GLIS1: variants seen among roughly 807,000 people sequenced by gnomAD.
The protein encoded by GLIS1 is GLIS family zinc finger 1.
GLIS1 carries 24 observed loss-of-function variants against 63.8 expected under a neutral mutation model. The ratio of observed to expected loss-of-function variants is 0.38; its 90% CI spans 0.27 to 0.53. The LOEUF is 0.53. GLIS1 is among the 20% of genes least tolerant of loss of function. The probability of loss-of-function intolerance (pLI) is 0.85; values close to 1 mark genes in which losing one functional copy is unlikely to be tolerated. For synonymous variants in GLIS1, 450 were observed against 482.5 expected (o/e 0.93, Z 0.88); for missense variants, 1,036 against 1,074.1 (o/e 0.96, Z 0.50).
intron 4 of GLIS1, among the ~76,000 whole-genome samples, chr1:53,534,411 C>T (rs574474682): frequency 1.3e-5 from 2 of 152,078 alleles, no homozygotes; most frequent in African/African-American, 4.8e-5. Flanking sequence ...CCTGGACAGA[C>T]ACCTGCTTCC....
At chr1:53,657,080 T>C (rs1645974123) in intron 2 of GLIS1, among the ~76,000 whole-genome samples, 1 of 152,206 alleles carries the variant, frequency 6.6e-6, no homozygotes, top group Non-Finnish European at 1.5e-5. Context: ...TGGCTGAAGC[T>C]GGGTCCCTGT....
rs1052569328 is a variant in GLIS1, at chr1:53,680,428, C to T, written c.259+57378G>A. On this transcript the variant is annotated intron_variant, in intron 2 of 10. Coordinates refer to ENST00000628545, the MANE Select transcript of GLIS1 (RefSeq NM_001367484.1). ...GCACCAGTACTGGGGTGGAAGGGGACAGCCACAGACCTCTGCTCCTGACAG... is the reference window on the plus strand; with the variant it reads ...GCACCAGTACTGGGGTGGAAGGGGATAGCCACAGACCTCTGCTCCTGACAG... Among the ~76,000 whole-genome samples the T allele has an allele frequency of 5.3e-5, 8 of 152,198 alleles. 1 individual carries two copies. Among genetic ancestry groups the T allele is most frequent in the Admixed American group, 3.9e-4 (6 of 15,286 alleles).
intron 4 of GLIS1, among the ~76,000 whole-genome samples, chr1:53,585,350 C>T (rs1486038671): frequency 6.6e-6 from 1 of 152,028 alleles, no homozygotes; most frequent in Non-Finnish European, 1.5e-5. Flanking sequence ...GACAGGAAAC[C>T]AAGGCTCAGA....
chr1:53,630,791 C>G (rs771790626), intron 2 of GLIS1, among the ~76,000 whole-genome samples: 1 of 152,240 alleles, frequency 6.6e-6, no homozygotes, highest in African/African-American at 2.4e-5. Context: ...GCCATCGTGC[C>G]CAGCCAGAGG....
rs368869748 is a variant in GLIS1 at position 53,529,857 on chromosome 1, C to T, written c.1416G>A (p.Pro472=). ...AGTTGCTGAAGGCCTTCTGGCAACC[C>T]GGGTGCTGGCACAGGTACGGCTTCT... ...TGEKPYLCQH[P]GCQKAFSNSS... The change falls in exon 5 of 11, where the codon CCG becomes CCA. Residue 472 remains proline, a synonymous_variant. Transcript: ENST00000628545. 32 of 1,613,782 alleles carry T rather than the reference C, an allele frequency of 2.0e-5. No homozygotes were observed. The highest frequency in any genetic ancestry group is 1.7e-4 in the Middle Eastern group (1 of 5,946).
chr1:53,513,221 C>A (rs1179362209), intron 8 of GLIS1, among the ~76,000 whole-genome samples: 1 of 152,186 alleles, frequency 6.6e-6, no homozygotes, highest in East Asian at 1.9e-4. Context: ...AGTGCCACCA[C>A]TGCCTTCCGG....
intron 4 of GLIS1, among the ~76,000 whole-genome samples, chr1:53,579,334 C>A (rs1645062579): frequency 6.6e-6 from 1 of 152,224 alleles, no homozygotes; most frequent in South Asian, 2.1e-4. Flanking sequence ...GATCCAAGGG[C>A]AACAACCTTC....
In GLIS1 at chr1:53,511,574, T is replaced by TG; in HGVS notation, c.1884-1548dup. 6.6e-6 allele frequency among the ~76,000 whole-genome samples: 1 copy of TG among 152,266 alleles called. No homozygotes were observed. The highest frequency in any genetic ancestry group is 1.5e-5 in the Non-Finnish European group (1 of 68,000). ...GTCCCTGGCCCGGCCACTGATACACTGTGGGTCCCTGTCACTGTTTTAAGT... is the reference window on the plus strand; with the variant it reads ...GTCCCTGGCCCGGCCACTGATACACTGGTGGGTCCCTGTCACTGTTTTAAGT... On this transcript the variant is annotated intron_variant, in intron 8 of 10. Coordinates refer to ENST00000628545, the MANE Select transcript of GLIS1 (RefSeq NM_001367484.1). The surrounding 1 kb of genome is among the most constrained non-coding windows in gnomAD (Gnocchi z 4.2).
intron 2 of GLIS1, among the ~76,000 whole-genome samples, chr1:53,636,556 G>A (rs1409760723): frequency 2.0e-5 from 3 of 152,188 alleles, no homozygotes; most frequent in African/African-American, 7.2e-5. Context: ...TGCCATCACT[G>A]CTCCTATTGG....
chr1:53,644,995 A>G (rs1645827913), intron 2 of GLIS1, among the ~76,000 whole-genome samples: 1 of 152,214 alleles, frequency 6.6e-6, no homozygotes, highest in South Asian at 2.1e-4. Context: ...ATTGATCACT[A>G]TTATCTCTCC....
At chr1:53,605,855 A>G (rs1256871927) in intron 2 of GLIS1, among the ~76,000 whole-genome samples, 1 of 152,214 alleles carries the variant, frequency 6.6e-6, no homozygotes, top group African/African-American at 2.4e-5. Flanking sequence ...TCAGGCCCAC[A>G]GCAAGTGCTT....
intron 2 of GLIS1, among the ~76,000 whole-genome samples, chr1:53,642,249 A>C (rs1323768565): frequency 6.6e-6 from 1 of 152,232 alleles, no homozygotes; most frequent in Non-Finnish European, 1.5e-5. Context: ...GGGACACTGT[A>C]ATTATAAACA....
At chr1:53,569,630 G>T (rs143649272) in intron 4 of GLIS1, among the ~76,000 whole-genome samples, 1 of 151,982 alleles carries the variant, frequency 6.6e-6, no homozygotes, top group African/African-American at 2.4e-5. Flanking sequence ...ATAAAACAAA[G>T]TATAAAAATT....
At chr1:53,613,084 G>A (rs1240002463) in intron 2 of GLIS1, among the ~76,000 whole-genome samples, 1 of 152,202 alleles carries the variant, frequency 6.6e-6, no homozygotes, top group African/African-American at 2.4e-5. Context: ...CTCCCAAAGT[G>A]CTGGGATTAC....
intron 2 of GLIS1, among the ~76,000 whole-genome samples, chr1:53,673,004 G>A (rs545486077): frequency 5.9e-5 from 9 of 152,260 alleles, no homozygotes; most frequent in East Asian, 5.8e-4. Context: ...CAGCCAGGTC[G>A]CTCCAGTGTC....
rs113550892 is a variant in GLIS1, at chr1:53,734,441, C to T, written c.259+3365G>A. Among the ~76,000 whole-genome samples the T allele has an allele frequency of 5.9e-3, 904 of 152,334 alleles. 6 individuals are homozygous for T. The highest frequency in any genetic ancestry group is 0.014 in the Middle Eastern group (4 of 294). ...CCTTCGTGTGAATGCCAGCTCTCGG[C>T]CGCCAACACACACATGTAGAAGGTA... On this transcript the variant is annotated intron_variant, in intron 2 of 10. Coordinates refer to ENST00000628545, the MANE Select transcript of GLIS1 (RefSeq NM_001367484.1).
chr1:53,595,446 G>A (rs921382452), intron 3 of GLIS1, among the ~76,000 whole-genome samples: 1 of 152,186 alleles, frequency 6.6e-6, no homozygotes. Context: ...CTTGAGCCCA[G>A]GAGGTTGAGG....
chr1:53,679,372 C>T (rs1435620562), intron 2 of GLIS1, among the ~76,000 whole-genome samples: 1 of 152,232 alleles, frequency 6.6e-6, no homozygotes, highest in Admixed American at 6.5e-5. Context: ...TTTACTGAGA[C>T]AATCCGAGTT....
chr1:53,690,908 T>C (rs992344215), intron 2 of GLIS1, among the ~76,000 whole-genome samples: 2 of 152,222 alleles, frequency 1.3e-5, no homozygotes, highest in African/African-American at 4.8e-5. Context: ...TTGAGGTAGA[T>C]ACAATTATGT....
Sources: allele counts gnomAD v4.1 joint callset (sites outside exome capture counted in the v4.1 genomes callset), GRCh38; gene constraint gnomAD v4.1.1; non-coding constraint Gnocchi (gnomAD v3.1); transcripts MANE v1.5; gene names NCBI Gene and HGNC (gene_info 2026-07-23, HGNC 2026-07-21).